The following RIF1 variants were observed in gnomAD, a reference collection of about 807,000 sequenced individuals.
The protein encoded by RIF1 is replication timing regulatory factor 1.
Under a neutral mutation model 247.1 loss-of-function variants are expected in RIF1, and 45 were observed. The observed-to-expected ratio is 0.18, with a 90% CI of 0.14 to 0.23. The LOEUF is 0.23. RIF1 is among the 10% of genes least tolerant of loss of function. The pLI is 1.00. For missense variants in RIF1, 2,967 were observed against 2,862.5 expected (o/e 1.04, Z -0.83); for synonymous variants, 1,087 against 978.8 (o/e 1.11, Z -2.06).
the RIF1 span, chr2:151,519,519 G>T: frequency 4.4e-6 from 3 of 675,192 alleles, no homozygotes; most frequent in East Asian, 2.7e-5. Flanking sequence ...AGTTTCTGTT[G>T]GTATGAAAAC....
downstream of RIF1, chr2:151,485,806 G>A: frequency 6.2e-7 from 1 of 1,613,644 alleles, no homozygotes; most frequent in Non-Finnish European, 8.5e-7. Flanking sequence ...GGTCCTGCCA[G>A]TCCTCTGCAC....
downstream of RIF1, among the ~76,000 whole-genome samples, chr2:151,509,054 A>G (rs2071728890): frequency 3.9e-5 from 6 of 152,332 alleles, no homozygotes; most frequent in South Asian, 1.2e-3. Flanking sequence ...GAATGAGACT[A>G]GCCACTGTTA....
chr2:151,504,119 T>TTAAC (rs1344058999), intron 12 of RIF1, among the ~76,000 whole-genome samples: 3 of 152,206 alleles, frequency 2.0e-5, no homozygotes, highest in African/African-American at 7.2e-5. Flanking sequence ...CTGAGCCTCC[T>TTAAC]TAACTCTTAA....
At chr2:151,511,789 C>G (rs1435364943), downstream of RIF1, among the ~76,000 whole-genome samples, 1 of 152,156 alleles carries the variant, frequency 6.6e-6, no homozygotes, top group African/African-American at 2.4e-5. Flanking sequence ...TGAGGGGAGT[C>G]AGGGGTTAGA....
At chr2:151,461,583 G>A (rs1444700602) in intron 27 of RIF1, among the ~76,000 whole-genome samples, 3 of 151,788 alleles carry the variant, frequency 2.0e-5, no homozygotes, top group African/African-American at 7.3e-5. Flanking sequence ...TAGTAGAGAC[G>A]GGGTTTCACC....
chr2:151,496,562 G>A (rs1252547491), intron 10 of RIF1, among the ~76,000 whole-genome samples: 2 of 152,208 alleles, frequency 1.3e-5, no homozygotes, highest in East Asian at 3.8e-4. Flanking sequence ...ACCCTCTAGA[G>A]AAGCAGGGAC....
intron 12 of RIF1, among the ~76,000 whole-genome samples, chr2:151,504,216 G>A (rs144791747): frequency 9.2e-5 from 14 of 152,218 alleles, no homozygotes; most frequent in African/African-American, 1.7e-4. Context: ...GGGGAGCAAC[G>A]TACCCAGATT....
intron 9 of RIF1, chr2:151,494,282 CAAAAAG>C (rs756831276): frequency 4.1e-6 from 6 of 1,456,276 alleles, no homozygotes; most frequent in South Asian, 1.3e-5. Context: ...TCCAAAAAGC[CAAAAAG>C]AAAAAGAGTT....
the RIF1 span, among the ~76,000 whole-genome samples, chr2:151,529,760 C>T: frequency 6.6e-6 from 1 of 152,134 alleles, no homozygotes; most frequent in South Asian, 2.1e-4. Flanking sequence ...AACTCGTGAC[C>T]TCAGGTGATC....
chr2:151,497,970 C>T (rs946452229), intron 10 of RIF1: 9 of 1,434,586 alleles, frequency 6.3e-6, no homozygotes, highest in African/African-American at 2.9e-5. Context: ...TTTGTGAGTA[C>T]GGTGCCTCCT....
rs1356250338 is a variant in RIF1, at chr2:151,459,983, C to G, written c.2956-17C>G. On this transcript the variant is annotated splice_polypyrimidine_tract_variant and intron_variant, in intron 25 of 35. Coordinates refer to ENST00000444746, the MANE Select transcript of RIF1 (RefSeq NM_018151.5). Reference sequence around the variant, plus strand: ...ACCGTTCTATTTAATGAAATTGTTTCATTTTTAATAAAACAGACAGAAAAT... The same window carrying G: ...ACCGTTCTATTTAATGAAATTGTTTGATTTTTAATAAAACAGACAGAAAAT... 1.3e-6 allele frequency: 2 copies of G among 1,506,606 alleles called. No homozygotes were observed. Among genetic ancestry groups the G allele is most frequent in the East Asian group, 4.8e-5 (2 of 41,416 alleles). The allele number at this position is 1,506,606 out of a possible 1,614,324, so 93.3% of individuals were successfully genotyped here. A position where few individuals can be genotyped will look rare whatever the true frequency, so the allele number is the denominator to read the frequency against.
In RIF1 at chr2:151,460,159, G is replaced by T. The variant is rs145226396; in HGVS notation, c.3075+40G>T. On this transcript the variant is annotated intron_variant, in intron 26 of 35. Coordinates refer to ENST00000444746, the MANE Select transcript of RIF1 (RefSeq NM_018151.5). ...GTTTAATCAAAAATTTTAAGATAAA[G>T]TATATTGTAACTTACATACAACTTT... 2.7e-4 allele frequency: 376 copies of T among 1,412,384 alleles called. 1 individual carries two copies. The African/African-American group carries it at 4.8e-3, about 18-fold the overall frequency. The allele number at this position is 1,412,384 out of a possible 1,614,324, so 87.5% of individuals were successfully genotyped here. A position where few individuals can be genotyped will look rare whatever the true frequency, so the allele number is the denominator to read the frequency against.
chr2:151,444,507 A>G (rs1692909172), intron 18 of RIF1, among the ~76,000 whole-genome samples: 1 of 152,122 alleles, frequency 6.6e-6, no homozygotes, highest in Admixed American at 6.6e-5. Context: ...ATGGGGTTTC[A>G]CTGTATTGGT....
Position 151,468,415 on chromosome 2 carries a change from T to C in RIF1, c.6748-59T>C. On this transcript the variant is annotated intron_variant, in intron 31 of 35. Transcript: ENST00000444746. ...TGATTGCAGTCTAAGTTGTAAAAATTGTGAAATTATAGTCATCTAGGGTTC... is the reference window on the plus strand; with the variant it reads ...TGATTGCAGTCTAAGTTGTAAAAATCGTGAAATTATAGTCATCTAGGGTTC... 2.2e-6 allele frequency: 3 copies of C among 1,341,860 alleles called. No homozygotes were observed. The East Asian group carries it at 6.9e-5, about 31-fold the overall frequency. 83.1% of individuals were successfully genotyped at this position (1,341,860 alleles called of 1,614,324 possible).
chr2:151,482,858 T>A (rs954067870), downstream of RIF1, among the ~76,000 whole-genome samples: 2 of 152,198 alleles, frequency 1.3e-5, no homozygotes, highest in African/African-American at 4.8e-5. Context: ...GTGGAAGTTA[T>A]CTGTCCCATA....
chr2:151,488,584 T>G (rs2152725731), intron 9 of RIF1, among the ~76,000 whole-genome samples: 1 of 152,168 alleles, frequency 6.6e-6, no homozygotes. Flanking sequence ...AAGTCGAGAC[T>G]GCAGCGAGCT....
At chr2:151,529,370 T>C in the RIF1 span, 1 of 1,142,426 alleles carries the variant, frequency 8.8e-7, no homozygotes, top group Non-Finnish European at 1.3e-6. Context: ...ATACTGAGCA[T>C]CTTAAAAAAC....
downstream of RIF1, among the ~76,000 whole-genome samples, chr2:151,509,889 C>T (rs942552212): frequency 2.0e-5 from 3 of 152,128 alleles, no homozygotes; most frequent in Non-Finnish European, 2.9e-5. Flanking sequence ...ATTACAGGCG[C>T]GAGCCACTGC....
In RIF1 at chr2:151,463,240, GAAT is replaced by G. The variant is rs774346530; in HGVS notation, c.3725_3727del (p.Asn1242del). ...ATAGACCTTTTAGTCCATCCCCCTTGAATAATATTTCATCAACTGTTACAGTGA... is the reference window on the plus strand; with the variant it reads ...ATAGACCTTTTAGTCCATCCCCCTTGAATATTTCATCAACTGTTACAGTGA... On this transcript the variant is annotated inframe_deletion, in exon 30 of 36. Coordinates refer to ENST00000444746, the MANE Select transcript of RIF1 (RefSeq NM_018151.5). 5 of 1,613,534 alleles carry G rather than the reference GAAT, an allele frequency of 3.1e-6. No homozygotes were observed. The highest frequency in any genetic ancestry group is 1.1e-5 in the South Asian group (1 of 90,994).
Sources: allele counts gnomAD v4.1 joint callset (sites outside exome capture counted in the v4.1 genomes callset), GRCh38; gene constraint gnomAD v4.1.1; transcripts MANE v1.5; gene names NCBI Gene and HGNC (gene_info 2026-07-23, HGNC 2026-07-21).